FBN2: variants seen among roughly 807,000 people sequenced by gnomAD.
FBN2 encodes fibrillin-2.
Under a neutral mutation model 355.6 loss-of-function variants are expected in FBN2, and 105 were observed. The observed-to-expected ratio is 0.30, with a 90% CI of 0.25 to 0.35. The LOEUF (loss-of-function observed/expected upper bound fraction) is 0.35, where lower values mean the gene tolerates loss of function less well. FBN2 is among the 10% of genes least tolerant of loss of function. The pLI, the probability that FBN2 is intolerant of heterozygous loss-of-function variation, is 1.00. For missense variants in FBN2, 3,280 were observed against 3,758.7 expected, an observed-to-expected ratio of 0.87 and a Z score of 3.33; for synonymous variants, 1,350 against 1,301.2, an observed-to-expected ratio of 1.04 and a Z score of -0.81.
intron 7 of FBN2, among the ~76,000 whole-genome samples, chr5:128,443,183 T>C (rs992485826): frequency 2.0e-5 from 3 of 152,142 alleles, no homozygotes; most frequent in African/African-American, 4.8e-5. Flanking sequence ...GATCTAAACA[T>C]TTGAAACTGC....
Position 128,519,265 on chromosome 5 carries a change from C to T in FBN2, c.628+8G>A, listed in dbSNP as rs755294765. 4 of 1,599,258 alleles carry T rather than the reference C, an allele frequency of 2.5e-6. No individual in the cohort carries two copies. In the African/African-American group the frequency reaches 5.4e-5, roughly 21 times the overall value. ...CTTCAGAAAGTAAAGTCTCATTTCT[C>T]TTCTTACCTCTTTCACACTGTGGAC... On this transcript the variant is annotated splice_region_variant and intron_variant, in intron 5 of 64. Coordinates refer to ENST00000262464, the MANE Select transcript of FBN2 (RefSeq NM_001999.4).
At chr5:128,534,435 T>C (rs1756792689) in intron 2 of FBN2, among the ~76,000 whole-genome samples, 1 of 152,232 alleles carries the variant, frequency 6.6e-6, no homozygotes, top group Non-Finnish European at 1.5e-5. Context: ...TATAAAGGTA[T>C]TACACTGTCC....
chr5:128,416,104 G>A (rs1223909928), intron 7 of FBN2, among the ~76,000 whole-genome samples: 2 of 149,268 alleles, frequency 1.3e-5, no homozygotes, highest in African/African-American at 5.0e-5. Flanking sequence ...TCGGCTCACC[G>A]CAACCTCTAC....
At chr5:128,435,432 A>G (rs1174733164) in intron 7 of FBN2, among the ~76,000 whole-genome samples, 1 of 152,246 alleles carries the variant, frequency 6.6e-6, no homozygotes, top group African/African-American at 2.4e-5. Flanking sequence ...GAAATTACAC[A>G]TCAGAACTCT....
At chr5:128,405,470 A>G (rs3805647) in intron 8 of FBN2, among the ~76,000 whole-genome samples, 19,252 of 152,152 alleles carry the variant, frequency 0.13, 2,168 homozygotes, top group East Asian at 0.69. Flanking sequence ...AAAAGAGTTT[A>G]TCATAATTTT....
At chr5:128,387,051 T>A (rs750867687) in intron 11 of FBN2, among the ~76,000 whole-genome samples, 12 of 152,136 alleles carry the variant, frequency 7.9e-5, no homozygotes, top group Non-Finnish European at 1.8e-4. Flanking sequence ...GCGGAATTTG[T>A]CTGTGAATCC....
chr5:128,361,318 T>C (rs1191564386), intron 19 of FBN2, among the ~76,000 whole-genome samples: 1 of 152,224 alleles, frequency 6.6e-6, no homozygotes, highest in African/African-American at 2.4e-5. Flanking sequence ...AATCATTTCA[T>C]AAATAAAATG....
At chr5:128,455,189 A>G in intron 6 of FBN2, among the ~76,000 whole-genome samples, 1 of 152,216 alleles carries the variant, frequency 6.6e-6, no homozygotes, top group Admixed American at 6.5e-5. Context: ...TCATATGCAC[A>G]TGGCAATTTG....
chr5:128,472,233 A>T (rs1000259990), intron 5 of FBN2, among the ~76,000 whole-genome samples: 1 of 152,194 alleles, frequency 6.6e-6, no homozygotes, highest in Admixed American at 6.5e-5. Flanking sequence ...CTTTGTGCAT[A>T]TTGTGCTGAG....
chr5:128,422,666 G>A (rs1241387452), intron 7 of FBN2, among the ~76,000 whole-genome samples: 1 of 152,154 alleles, frequency 6.6e-6, no homozygotes, highest in Non-Finnish European at 1.5e-5. Flanking sequence ...ATCAAAGACA[G>A]GGGAAATGGA....
chr5:128,437,773 TATAGATAGATAGATAGATAGATAGATAG>T (rs68027593), intron 7 of FBN2, among the ~76,000 whole-genome samples: 28 of 148,130 alleles, frequency 1.9e-4, no homozygotes, highest in Middle Eastern at 3.2e-3. Context: ...AGTATGTATG[TATAGATAGATAGATAGATAGATAGATAG>T]ATAGATAGAT....
chr5:128,304,742 G>A (rs965187698), intron 45 of FBN2, among the ~76,000 whole-genome samples: 15 of 151,754 alleles, frequency 9.9e-5, no homozygotes, highest in African/African-American at 3.4e-4. Context: ...CGAACATATC[G>A]CAGTATGTCC....
chr5:128,273,419 G>A (rs756069713), intron 61 of FBN2, among the ~76,000 whole-genome samples: 1 of 152,170 alleles, frequency 6.6e-6, no homozygotes, highest in Non-Finnish European at 1.5e-5. Context: ...ACCTTAGCGT[G>A]TTCAGTACAT....
chr5:128,312,504 A>T, intron 37 of FBN2, 130 bp downstream of exon 37: 1 of 909,846 alleles, frequency 1.1e-6, no homozygotes, highest in African/African-American at 1.6e-5. Flanking sequence ...GTGATCACTG[A>T]AAGTAGTTCA....
At chr5:128,502,106 G>C (rs187824101) in intron 5 of FBN2, among the ~76,000 whole-genome samples, 30 of 152,128 alleles carry the variant, frequency 2.0e-4, no homozygotes, top group African/African-American at 6.7e-4. Context: ...GATCAGGCTA[G>C]AGTCAGACTT....
Position 128,369,207 on chromosome 5 carries a change from G to C in FBN2, c.2223C>G (p.Cys741Trp). 1.9e-6 allele frequency: 3 copies of C among 1,614,128 alleles called. No homozygotes were observed. Among genetic ancestry groups the C allele is most frequent in the Non-Finnish European group, 2.5e-6 (3 of 1,180,026 alleles). ...ANPDYGFGEP[C>W]QPCPAKNSAE... ...CTGAATTTTTTGCAGGGCATGGCTG[G>C]CAGGGTTCTCCAAAACCATAGTCTG... Residue 741 changes from cysteine to tryptophan, a missense_variant, in exon 16 of 65, where the codon TGC becomes TGG. Transcript: ENST00000262464.
At chr5:128,423,433 C>T (rs368399665) in intron 7 of FBN2, among the ~76,000 whole-genome samples, 1 of 152,182 alleles carries the variant, frequency 6.6e-6, no homozygotes, top group South Asian at 2.1e-4. Context: ...GGGAACTCCC[C>T]TTTATCAAAC....
chr5:128,521,450 A>G (rs1350425069), intron 4 of FBN2, among the ~76,000 whole-genome samples: 2 of 152,150 alleles, frequency 1.3e-5, no homozygotes, highest in East Asian at 3.9e-4. Context: ...TGATAGGTGC[A>G]ACAAACCACC....
chr5:128,379,779 A>G (rs1291013494), intron 11 of FBN2, among the ~76,000 whole-genome samples: 1 of 152,126 alleles, frequency 6.6e-6, no homozygotes, highest in African/African-American at 2.4e-5. Flanking sequence ...ATTATTTTCA[A>G]TCCTTGCAAA....
Sources: gnomAD v4.1 joint callset for allele counts (sites outside exome capture counted in the v4.1 genomes callset) on GRCh38, gnomAD v4.1.1 for gene constraint, MANE v1.5 for transcripts, NCBI Gene and HGNC (gene_info 2026-07-23, HGNC 2026-07-21) for gene names.